Variants in PDZRN3 observed in about 807,000 individuals in gnomAD.
The protein encoded by PDZRN3 is PDZ domain containing ring finger 3, also known as E3 ubiquitin-protein ligase PDZRN3.
Under a neutral mutation model 85.7 loss-of-function variants are expected in PDZRN3, and 38 were observed. The ratio of observed to expected loss-of-function variants is 0.44; its 90% CI spans 0.34 to 0.58. The LOEUF (loss-of-function observed/expected upper bound fraction) is 0.58. Among genes scored for constraint, PDZRN3 ranks in the 20% least tolerant of loss-of-function variants. The probability of loss-of-function intolerance (pLI) is 0.01; values close to 1 mark genes in which losing one functional copy is unlikely to be tolerated. For missense variants in PDZRN3, 1,629 were observed against 1,506.4 expected, an observed-to-expected ratio of 1.08 and a Z score of -1.35; for synonymous variants, 759 against 638.0, an observed-to-expected ratio of 1.19 and a Z score of -2.86.
chr3:73,433,815 C>A, intron 3 of PDZRN3: 2 of 1,475,930 alleles, frequency 1.4e-6, no homozygotes, highest in South Asian at 1.3e-5. Context: ...TCAGGTGAGT[C>A]AAGCGACTGC....
chr3:73,569,134 T>A, intron 3 of PDZRN3: 1 of 1,280,602 alleles, frequency 7.8e-7, no homozygotes, highest in Non-Finnish European at 1.0e-6. Flanking sequence ...ACACCCCTTT[T>A]CATCACATTG....
chr3:73,492,810 G>A (rs1236191690), intron 3 of PDZRN3, among the ~76,000 whole-genome samples: 3 of 152,192 alleles, frequency 2.0e-5, no homozygotes, highest in Admixed American at 1.3e-4. Flanking sequence ...ATGATAAATG[G>A]TTGAGGTGGT....
chr3:73,585,435 C>T (rs913289163), intron 3 of PDZRN3, among the ~76,000 whole-genome samples: 3 of 152,128 alleles, frequency 2.0e-5, no homozygotes, highest in Non-Finnish European at 2.9e-5. Flanking sequence ...CTGTTTACTA[C>T]AATAGGCTTT....
intron 3 of PDZRN3, among the ~76,000 whole-genome samples, chr3:73,456,707 T>C (rs1259367952): frequency 6.6e-6 from 1 of 152,156 alleles, no homozygotes; most frequent in Non-Finnish European, 1.5e-5. Context: ...ATTCAACCAT[T>C]GATAGGTTAA....
chr3:73,484,328 C>T (rs534680867), intron 3 of PDZRN3, among the ~76,000 whole-genome samples: 10 of 152,242 alleles, frequency 6.6e-5, no homozygotes, highest in South Asian at 2.1e-4. Context: ...CTGGAGCAGA[C>T]GCATGGGTGA....
intron 3 of PDZRN3, among the ~76,000 whole-genome samples, chr3:73,558,387 C>T (rs1188171383): frequency 6.6e-6 from 1 of 152,136 alleles, no homozygotes; most frequent in East Asian, 1.9e-4. Context: ...GTTTGAAAAA[C>T]TAAATTTTCT....
Position 73,401,020 on chromosome 3 carries a change from A to T in PDZRN3, c.1167-11T>A. 6.3e-7 allele frequency: 1 copy of T among 1,577,626 alleles called. No homozygotes were observed. Among genetic ancestry groups the T allele is most frequent in the South Asian group, 1.1e-5 (1 of 90,322 alleles). ...TGGGCTGAGGGATGCCTGAAAAGAG[A>T]TGCAACATCTTTACAGCCCTTCTTC... On this transcript the variant is annotated splice_polypyrimidine_tract_variant and intron_variant, in intron 4 of 9. Coordinates refer to ENST00000263666, the MANE Select transcript of PDZRN3 (RefSeq NM_015009.3).
At chr3:73,509,487 T>C (rs1704125370) in intron 3 of PDZRN3, among the ~76,000 whole-genome samples, 1 of 152,194 alleles carries the variant, frequency 6.6e-6, no homozygotes, top group Admixed American at 6.5e-5. Context: ...AACAAGGTCA[T>C]TGAAAGAGAT....
chr3:73,592,687 G>A (rs1702375687), intron 3 of PDZRN3, among the ~76,000 whole-genome samples: 1 of 152,122 alleles, frequency 6.6e-6, no homozygotes, highest in Admixed American at 6.5e-5. Flanking sequence ...TCCACCGTGA[G>A]GCTCAAAGTA....
At chr3:73,403,372 G>A (rs1031217250) in intron 4 of PDZRN3, among the ~76,000 whole-genome samples, 19 of 152,102 alleles carry the variant, frequency 1.2e-4, no homozygotes, top group Non-Finnish European at 2.5e-4. Context: ...AACGGTGATC[G>A]CTGGTACCAT....
At chr3:73,617,775 G>C (rs941826649) in intron 1 of PDZRN3, among the ~76,000 whole-genome samples, 2 of 152,052 alleles carry the variant, frequency 1.3e-5, no homozygotes, top group African/African-American at 4.8e-5. Context: ...ATCTGGTCTT[G>C]GCTCGCAGCA....
At chr3:73,457,531 G>T (rs191379357) in intron 3 of PDZRN3, among the ~76,000 whole-genome samples, 1 of 152,066 alleles carries the variant, frequency 6.6e-6, no homozygotes, top group Non-Finnish European at 1.5e-5. Context: ...CCTAGGGTGC[G>T]TGCTGTTCCA....
intron 3 of PDZRN3, among the ~76,000 whole-genome samples, chr3:73,450,403 TAC>T (rs1702835163): frequency 6.6e-6 from 1 of 152,190 alleles, no homozygotes; most frequent in Non-Finnish European, 1.5e-5. Context: ...TCATAATCAA[TAC>T]ACACACAAAA....
chr3:73,559,773 G>A lies in PDZRN3; in HGVS notation c.918+42581C>T, dbSNP rs1433793408. ...GAAGGATGGATGGTGGTGTCTGAAT[G>A]ACTGAAGTTTGGCCAAGGCTGGAAT... is the stretch of plus-strand genomic sequence containing the variant. On this transcript the variant is annotated intron_variant, in intron 3 of 9. Coordinates refer to ENST00000263666, the MANE Select transcript of PDZRN3 (RefSeq NM_015009.3). 2.0e-5 allele frequency among the ~76,000 whole-genome samples: 3 copies of A among 152,218 alleles called. No individual in the cohort carries two copies. In the East Asian group the frequency reaches 5.8e-4, roughly 29 times the overall value.
intron 2 of PDZRN3, among the ~76,000 whole-genome samples, chr3:73,604,530 C>T (rs1289498257): frequency 1.3e-5 from 2 of 152,094 alleles, no homozygotes; most frequent in African/African-American, 4.8e-5. Flanking sequence ...AATATTGTCT[C>T]CCACTGAGAA....
At chr3:73,484,252 T>C (rs1454289625) in intron 3 of PDZRN3, among the ~76,000 whole-genome samples, 1 of 152,054 alleles carries the variant, frequency 6.6e-6, no homozygotes, top group Non-Finnish European at 1.5e-5. Context: ...GTGCAAGAGT[T>C]TGGATTCATA....
chr3:73,416,792 C>T (rs1253430061), intron 3 of PDZRN3, among the ~76,000 whole-genome samples: 1 of 151,116 alleles, frequency 6.6e-6, no homozygotes, highest in East Asian at 1.9e-4. Context: ...AACTGTCCCA[C>T]GTTGTTTTTA....
rs761302338 is a variant in PDZRN3, at chr3:73,384,489, G to A, written c.2077C>T (p.Arg693Cys). 12 of 1,613,424 alleles carry A rather than the reference G, an allele frequency of 7.4e-6. No homozygotes were observed. Among genetic ancestry groups the A allele is most frequent in the Non-Finnish European group, 1.0e-5 (12 of 1,180,042 alleles). Reference protein sequence around the residue: ...KELELLNEELRSIELECLSIV... With the variant: ...KELELLNEELCSIELECLSIV... ...CTCAGGCACTCCAGCTCGATGCTGC[G>A]CAGCTCTTCGTTCAGCAGCTCCAGC... The change falls in exon 10 of 10, where the codon CGC (arginine) becomes TGC (cysteine). Residue 693 changes from arginine to cysteine, a missense_variant. Coordinates refer to ENST00000263666, the MANE Select transcript of PDZRN3 (RefSeq NM_015009.3).
intron 3 of PDZRN3, among the ~76,000 whole-genome samples, chr3:73,488,599 T>C (rs1295209859): frequency 6.6e-6 from 1 of 152,306 alleles, no homozygotes; most frequent in East Asian, 1.9e-4. Context: ...TTCTCGGCCT[T>C]TCTTTGTCCT....
Sources: gnomAD v4.1 joint callset for allele counts (sites outside exome capture counted in the v4.1 genomes callset) on GRCh38, gnomAD v4.1.1 for gene constraint, MANE v1.5 for transcripts, NCBI Gene and HGNC (gene_info 2026-07-23, HGNC 2026-07-21) for gene names.